PHACTR2: variants seen among roughly 807,000 people sequenced by gnomAD.
The protein encoded by PHACTR2 is phosphatase and actin regulator 2.
Under a neutral mutation model 76.0 loss-of-function variants are expected in PHACTR2, and 30 were observed. The observed-to-expected ratio is 0.39, with a 90% CI of 0.30 to 0.54. The LOEUF (loss-of-function observed/expected upper bound fraction) is 0.54, where lower values mean the gene tolerates loss of function less well. Ranked by LOEUF, PHACTR2 falls within the 20% of genes least tolerant of loss-of-function variation. The pLI is 0.61. For missense variants in PHACTR2, 696 were observed against 781.1 expected (o/e 0.89, Z 1.30); for synonymous variants, 292 against 292.5 (o/e 1.00, Z 0.02).
At chr6:143,674,261 C>T (rs1041796840), upstream of PHACTR2, among the ~76,000 whole-genome samples, 2 of 152,016 alleles carry the variant, frequency 1.3e-5, no homozygotes, top group Non-Finnish European at 2.9e-5. The surrounding 1 kb of genome is among the most constrained non-coding windows in gnomAD (Gnocchi z 4.9). Context: ...CTGACTCTTA[C>T]AAAATGTAGC....
chr6:143,744,196 G>A (rs924372467), intron 2 of PHACTR2, among the ~76,000 whole-genome samples: 5 of 152,186 alleles, frequency 3.3e-5, no homozygotes, highest in Non-Finnish European at 5.9e-5. Context: ...CCTAGGACTG[G>A]CCCAGCCAAG....
Position 143,627,853 on chromosome 6 carries a change from G to A in PHACTR2, c.13+19531G>A, listed in dbSNP as rs565655794. On this transcript the variant is annotated intron_variant, in intron 1 of 11. Transcript: ENST00000305766. The surrounding 1 kb of genome is among the most constrained non-coding windows in gnomAD (Gnocchi z 4.3). ...CCTGACCTTGTGATCCGCCCACCTC[G>A]GCCTCCCAAAGTACAACCACCACTT... Among the ~76,000 whole-genome samples, 2 of 151,794 alleles carry A rather than the reference G, an allele frequency of 1.3e-5. No homozygotes were observed. Among genetic ancestry groups the A allele is most frequent in the South Asian group, 2.1e-4 (1 of 4,796 alleles).
chr6:143,777,390 A>G lies in PHACTR2; in HGVS notation c.1645+7A>G, dbSNP rs1312946165. ...CAAAGAAACATCCTAAAACGTGAGT[A>G]TTCTATACTATAGAATGATTCCTTG... On this transcript the variant is annotated splice_region_variant and intron_variant, in intron 9 of 12. Coordinates refer to ENST00000440869, the MANE Select transcript of PHACTR2 (RefSeq NM_001100164.2). This position sits in a 1 kb window ranked among gnomAD's most constrained non-coding sequence, Gnocchi z 4.6. The G allele has an allele frequency of 6.6e-7, 1 of 1,512,056 alleles. No individual in the cohort carries two copies. The highest frequency in any genetic ancestry group is 9.2e-7 in the Non-Finnish European group (1 of 1,092,626). The allele number at this position is 1,512,056 out of a possible 1,614,324, so 93.7% of individuals were successfully genotyped here.
Position 143,754,021 on chromosome 6 carries a change from A to T in PHACTR2, c.454+109A>T. The T allele has an allele frequency of 1.7e-6, 1 of 572,254 alleles. No individual in the cohort carries two copies. Among genetic ancestry groups the T allele is most frequent in the Non-Finnish European group, 2.8e-6 (1 of 357,132 alleles). The allele number at this position is 572,254 out of a possible 1,614,324, so 35.4% of individuals were successfully genotyped here. Reference sequence around the variant, plus strand: ...CTAAAACCAGCAGTCTGCAGAGGAGAGGTTTACAAATAGAAAAAAGAAAGA... The same window carrying T: ...CTAAAACCAGCAGTCTGCAGAGGAGTGGTTTACAAATAGAAAAAAGAAAGA... On this transcript the variant is annotated intron_variant, in intron 4 of 12. Coordinates refer to ENST00000440869, the MANE Select transcript of PHACTR2 (RefSeq NM_001100164.2). This position sits in a 1 kb window ranked among gnomAD's most constrained non-coding sequence, Gnocchi z 6.2.
At chr6:143,737,107 G>T (rs1020365783) in intron 2 of PHACTR2, among the ~76,000 whole-genome samples, 1 of 151,060 alleles carries the variant, frequency 6.6e-6, no homozygotes, top group African/African-American at 2.4e-5. Context: ...ATATAACATC[G>T]TGAACTTCTA....
In PHACTR2 at chr6:143,623,666, C is replaced by T. The variant is rs139493323; in HGVS notation, c.13+15344C>T. The stretch of plus-strand genomic sequence containing the variant: ...TGAAAATCAGTTCATGGGAGTACAG[C>T]ATACAAAGTTGGTTTTATTTTTATA... On this transcript the variant is annotated intron_variant, in intron 1 of 11. Coordinates refer to the PHACTR2 transcript ENST00000305766. This position sits in a 1 kb window ranked among gnomAD's most constrained non-coding sequence, Gnocchi z 5.9. Among the ~76,000 whole-genome samples, 4 of 152,194 alleles carry T rather than the reference C, an allele frequency of 2.6e-5. No homozygotes were observed. Among genetic ancestry groups the T allele is most frequent in the South Asian group, 2.1e-4 (1 of 4,820 alleles).
intron 2 of PHACTR2, among the ~76,000 whole-genome samples, chr6:143,740,758 T>C (rs1246544962): frequency 6.6e-6 from 1 of 152,194 alleles, no homozygotes; most frequent in Non-Finnish European, 1.5e-5. Context: ...GCTGTCTGCT[T>C]TCTTAAGAAA....
rs1026231271 is a variant in PHACTR2 at position 143,656,502 on chromosome 6, C to T, written c.13+48180C>T. Among the ~76,000 whole-genome samples the T allele has an allele frequency of 6.6e-6, 1 of 151,742 alleles. No homozygotes were observed. Among genetic ancestry groups the T allele is most frequent in the African/African-American group, 2.4e-5 (1 of 41,318 alleles). Reference sequence around the variant, plus strand: ...ATTTGTTTTGGGCTGCATTCAAAGCCATCCTGGGCTGTGTGTGTCCCACAG... The same window carrying T: ...ATTTGTTTTGGGCTGCATTCAAAGCTATCCTGGGCTGTGTGTGTCCCACAG... On this transcript the variant is annotated intron_variant, in intron 1 of 11. Coordinates refer to the PHACTR2 transcript ENST00000305766. This position sits in a 1 kb window ranked among gnomAD's most constrained non-coding sequence, Gnocchi z 5.3.
rs1370278323 is a variant in PHACTR2, at chr6:143,738,275, G to A, written c.215-10710G>A. The stretch of plus-strand genomic sequence containing the variant: ...CTGAGGCAGGAGAATCGCTTGACCC[G>A]GGAGGCAGAGGTTGCAGTGAGCCGA... On this transcript the variant is annotated intron_variant, in intron 2 of 12. Coordinates refer to ENST00000440869, the MANE Select transcript of PHACTR2 (RefSeq NM_001100164.2). The surrounding 1 kb of genome is among the most constrained non-coding windows in gnomAD (Gnocchi z 4.0). Among the ~76,000 whole-genome samples the A allele has an allele frequency of 2.0e-5, 3 of 152,000 alleles. No individual in the cohort carries two copies. Among genetic ancestry groups the A allele is most frequent in the East Asian group, 1.9e-4 (1 of 5,174 alleles).
At chr6:143,814,688 C>T (rs1008789273) in intron 12 of PHACTR2, among the ~76,000 whole-genome samples, 22 of 150,960 alleles carry the variant, frequency 1.5e-4, no homozygotes, top group African/African-American at 4.6e-4. Context: ...CTGCAAGCTC[C>T]GCCTCCTCGG....
intron 5 of PHACTR2, among the ~76,000 whole-genome samples, chr6:143,763,026 C>T (rs1425081186): frequency 1.3e-5 from 2 of 152,096 alleles, no homozygotes; most frequent in African/African-American, 2.4e-5. Context: ...TATCTTTTTC[C>T]TCAAGCCAAA....
At chr6:143,711,189 GT>G in intron 1 of PHACTR2, 1 of 351,054 alleles carries the variant, frequency 2.8e-6, no homozygotes, top group South Asian at 2.3e-5. Context: ...AAAAACTACT[GT>G]TTTGATTTTT....
Position 143,556,440 on chromosome 6 carries a change from A to C in PHACTR2, c.217+19233A>C, listed in dbSNP as rs988701064. The stretch of plus-strand genomic sequence containing the variant: ...ACATTGAAGGCAGCCAGCTTGATAG[A>C]ATCATCAAAAATAAAAATTGAGGCA... On this transcript the variant is annotated intron_variant, in intron 1 of 11. Transcript: ENST00000367584. This position sits in a 1 kb window ranked among gnomAD's most constrained non-coding sequence, Gnocchi z 4.3. Among the ~76,000 whole-genome samples the C allele has an allele frequency of 3.9e-5, 6 of 152,374 alleles. No individual in the cohort carries two copies. Among genetic ancestry groups the C allele is most frequent in the African/African-American group, 1.4e-4 (6 of 41,588 alleles).
rs1266765368 is a variant in PHACTR2 at position 143,739,782 on chromosome 6, T to C, written c.215-9203T>C. Among the ~76,000 whole-genome samples the C allele has an allele frequency of 6.6e-6, 1 of 152,222 alleles. No individual in the cohort carries two copies. The highest frequency in any genetic ancestry group is 1.5e-5 in the Non-Finnish European group (1 of 68,032). On this transcript the variant is annotated intron_variant, in intron 2 of 12. Transcript: ENST00000440869. The surrounding 1 kb of genome is among the most constrained non-coding windows in gnomAD (Gnocchi z 4.3). ...TCGGAATTAGAACCATAGGTCCCCA[T>C]GGGCTGATCTCCCATGTCCATTCCC...
rs1167885785 is a variant in PHACTR2 at position 143,654,144 on chromosome 6, T to C, written c.13+45822T>C. Among the ~76,000 whole-genome samples, 1 of 152,076 alleles carries C rather than the reference T, an allele frequency of 6.6e-6. No homozygotes were observed. Among genetic ancestry groups the C allele is most frequent in the Non-Finnish European group, 1.5e-5 (1 of 68,012 alleles). On this transcript the variant is annotated intron_variant, in intron 1 of 11. Transcript: ENST00000305766. The surrounding 1 kb of genome is among the most constrained non-coding windows in gnomAD (Gnocchi z 4.6). Reference sequence around the variant, plus strand: ...TCATTAACCATCAGGGAAATACAAATCAAAACCACAAGAGACCACTTTATA... The same window carrying C: ...TCATTAACCATCAGGGAAATACAAACCAAAACCACAAGAGACCACTTTATA...
intron 1 of PHACTR2, among the ~76,000 whole-genome samples, chr6:143,704,450 C>T (rs1471278952): frequency 6.6e-6 from 1 of 152,108 alleles, no homozygotes; most frequent in East Asian, 1.9e-4. Flanking sequence ...CACCGAGGCC[C>T]CTTCGAGCGG....
At chr6:143,779,205 C>T (rs1775359436) in intron 9 of PHACTR2, among the ~76,000 whole-genome samples, 1 of 152,194 alleles carries the variant, frequency 6.6e-6, no homozygotes, top group Non-Finnish European at 1.5e-5. Flanking sequence ...ACACTCTACT[C>T]AGCCCGTTTG....
chr6:143,586,954 T>A (rs1012236333), intron 1 of PHACTR2, among the ~76,000 whole-genome samples: 1 of 152,222 alleles, frequency 6.6e-6, no homozygotes, highest in Admixed American at 6.5e-5. Context: ...TGTTTCTAAC[T>A]TACCTCTCAG....
Position 143,822,907 on chromosome 6 carries a change from G to T in PHACTR2, c.1923-767G>T, listed in dbSNP as rs1445361285. The stretch of plus-strand genomic sequence containing the variant: ...AGGAACTCACAAGGAGGGAAAGGAA[G>T]CCAGCTGGCTGGCTAACAAGCATAC... On this transcript the variant is annotated intron_variant, in intron 12 of 12. Coordinates refer to ENST00000440869, the MANE Select transcript of PHACTR2 (RefSeq NM_001100164.2). This position sits in a 1 kb window ranked among gnomAD's most constrained non-coding sequence, Gnocchi z 5.5. Among the ~76,000 whole-genome samples the T allele has an allele frequency of 1.3e-5, 2 of 152,234 alleles. No individual in the cohort carries two copies. The highest frequency in any genetic ancestry group is 4.8e-5 in the African/African-American group (2 of 41,456).
Sources: allele counts gnomAD v4.1 joint callset (sites outside exome capture counted in the v4.1 genomes callset), GRCh38; gene constraint gnomAD v4.1.1; non-coding constraint Gnocchi (gnomAD v3.1); transcripts MANE v1.5; gene names NCBI Gene and HGNC (gene_info 2026-07-23, HGNC 2026-07-21).